RANBP3: variants seen among roughly 807,000 people sequenced by gnomAD.
RANBP3 encodes the protein RAN binding protein 3.
Under a neutral mutation model 77.3 loss-of-function variants are expected in RANBP3, and 14 were observed. That is an observed-to-expected ratio of 0.18 (90% CI 0.12 to 0.28). The LOEUF is 0.28. Ranked by LOEUF, RANBP3 falls within the 10% of genes least tolerant of loss-of-function variation. RANBP3 has a pLI of 1.00. For missense variants in RANBP3, 586 were observed against 752.3 expected (o/e 0.78, Z 2.59); for synonymous variants, 315 against 312.4 (o/e 1.01, Z -0.09).
intron 13 of RANBP3, among the ~76,000 whole-genome samples, chr19:5,922,234 A>G (rs1038030242): frequency 6.6e-6 from 1 of 152,252 alleles, no homozygotes; most frequent in African/African-American, 2.4e-5. Flanking sequence ...TCAATACAGC[A>G]GTTTTGTATA....
chr19:5,923,318 G>A lies in RANBP3; in HGVS notation c.1100-15C>T, dbSNP rs770207338. On this transcript the variant is annotated splice_polypyrimidine_tract_variant and intron_variant, in intron 12 of 16. Transcript: ENST00000340578. The stretch of plus-strand genomic sequence containing the variant: ...AGCCAGGGACTCTGAAAAGTTATTG[G>A]CCAAAAAGACTGACTGATTATTTGG... 1.2e-6 allele frequency: 2 copies of A among 1,609,884 alleles called. No homozygotes were observed. The highest frequency in any genetic ancestry group is 2.2e-5 in the South Asian group (2 of 90,998).
chr19:5,953,701 T>C (rs73920098), intron 2 of RANBP3, among the ~76,000 whole-genome samples: 1 of 152,178 alleles, frequency 6.6e-6, no homozygotes, highest in Non-Finnish European at 1.5e-5. Flanking sequence ...TCTATCTCCA[T>C]CCAAGGCAGT....
At chr19:5,942,124 C>T (rs2058145733) in intron 3 of RANBP3, among the ~76,000 whole-genome samples, 1 of 152,204 alleles carries the variant, frequency 6.6e-6, no homozygotes, top group Non-Finnish European at 1.5e-5. Context: ...AACTGGCCTG[C>T]CACCCCTAAA....
At chr19:5,941,122 G>C (rs377536887) in intron 5 of RANBP3, among the ~76,000 whole-genome samples, 7 of 152,186 alleles carry the variant, frequency 4.6e-5, no homozygotes, top group Admixed American at 1.3e-4. Context: ...CATCACACAC[G>C]GGCCTCTGCT....
chr19:5,924,698 CACTT>C lies in RANBP3; in HGVS notation c.996+125_996+128del. On this transcript the variant is annotated intron_variant, in intron 11 of 16. Coordinates refer to ENST00000340578, the MANE Select transcript of RANBP3 (RefSeq NM_007322.3). This position sits in a 1 kb window ranked among gnomAD's most constrained non-coding sequence, Gnocchi z 4.7. The stretch of plus-strand genomic sequence containing the variant: ...AGTCTGAGCAGGGTCTTCCCTCTCT[CACTT>C]GCTACTGAAGGCATCCCCATCTCAC... 3.2e-6 allele frequency: 3 copies of C among 931,760 alleles called. No individual in the cohort carries two copies. Among genetic ancestry groups the C allele is most frequent in the Non-Finnish European group, 5.2e-6 (3 of 578,282 alleles). The allele number at this position is 931,760 out of a possible 1,614,324, so 57.7% of individuals were successfully genotyped here.
Position 5,924,716 on chromosome 19 carries a change from T to A in RANBP3, c.996+111A>T. The A allele has an allele frequency of 2.7e-6, 3 of 1,097,162 alleles. No homozygotes were observed. The highest frequency in any genetic ancestry group is 4.2e-6 in the Non-Finnish European group (3 of 719,050). The allele number at this position is 1,097,162 out of a possible 1,614,324, so 68.0% of individuals were successfully genotyped here. On this transcript the variant is annotated intron_variant, in intron 11 of 16. Coordinates refer to ENST00000340578, the MANE Select transcript of RANBP3 (RefSeq NM_007322.3). This position sits in a 1 kb window ranked among gnomAD's most constrained non-coding sequence, Gnocchi z 4.7. ...CCTCTCTCACTTGCTACTGAAGGCA[T>A]CCCCATCTCACATAGGACGACACAG...
Position 5,917,977 on chromosome 19 carries a change from T to C in RANBP3, c.1477A>G (p.Ser493Gly). The change falls in exon 16 of 17, where the codon AGC (serine) becomes GGC (glycine). Residue 493 changes from serine (S) to glycine (G), a missense_variant. Physicochemically the swap from Ser to Gly is moderately conservative, Grantham distance 56 (BLOSUM62 0). Coordinates refer to ENST00000340578, the MANE Select transcript of RANBP3 (RefSeq NM_007322.3). Reference sequence around the variant, plus strand: ...TACAACTGACCTGTGTCCTTGGAGCTGGCCTGGGAAGGGAGGAGGGTATGA... The same window carrying C: ...TACAACTGACCTGTGTCCTTGGAGCCGGCCTGGGAAGGGAGGAGGGTATGA... Reference protein sequence around the residue: ...QGVKVFLISASSKDTGQLYAA... With the variant: ...QGVKVFLISAGSKDTGQLYAA... The C allele has an allele frequency of 6.3e-7, 1 of 1,588,122 alleles. No homozygotes were observed. The highest frequency in any genetic ancestry group is 8.6e-7 in the Non-Finnish European group (1 of 1,163,268).
chr19:5,932,660 G>A (rs2058009478), intron 6 of RANBP3, 116 bp from the exon 7 acceptor site: 4 of 736,428 alleles, frequency 5.4e-6, no homozygotes, highest in Non-Finnish European at 9.0e-6. Flanking sequence ...ACTTTGCAGG[G>A]AAGCACTTTT....
At chr19:5,926,947 G>T (rs578235769) in intron 9 of RANBP3, among the ~76,000 whole-genome samples, 6 of 152,152 alleles carry the variant, frequency 3.9e-5, no homozygotes, top group African/African-American at 1.4e-4. Flanking sequence ...GGCCCTCCCC[G>T]TCGACACTAC....
chr19:5,932,822 C>G, intron 6 of RANBP3: 1 of 467,878 alleles, frequency 2.1e-6, no homozygotes, highest in Non-Finnish European at 3.8e-6. Context: ...ACTCAACAGT[C>G]AAGTGGAGAC....
At position 5,958,269 on chromosome 19, in the gene RANBP3, G is replaced by A. The variant is rs1014569026; in HGVS notation, c.23-296C>T. ...GTGTAAATGGGAGTGGGAGAGCAGCGGAGAGTGTGGCAGCGCTATTTGGCG... is the reference window on the plus strand; with the variant it reads ...GTGTAAATGGGAGTGGGAGAGCAGCAGAGAGTGTGGCAGCGCTATTTGGCG... On this transcript the variant is annotated intron_variant, in intron 1 of 16. Transcript: ENST00000340578. This position sits in a 1 kb window ranked among gnomAD's most constrained non-coding sequence, Gnocchi z 4.4. Among the ~76,000 whole-genome samples the A allele has an allele frequency of 1.3e-5, 2 of 152,154 alleles. No individual in the cohort carries two copies. The highest frequency in any genetic ancestry group is 4.8e-5 in the African/African-American group (2 of 41,442).
chr19:5,921,106 G>T lies in RANBP3; in HGVS notation c.1330+95C>A. 1 of 1,452,436 alleles carries T rather than the reference G, an allele frequency of 6.9e-7. No individual in the cohort carries two copies. The highest frequency in any genetic ancestry group is 1.3e-5 in the South Asian group (1 of 76,916). The allele number at this position is 1,452,436 out of a possible 1,614,324, so 90.0% of individuals were successfully genotyped here. A position where few individuals can be genotyped will look rare whatever the true frequency, so the allele number is the denominator to read the frequency against. On this transcript the variant is annotated intron_variant, in intron 14 of 16. Coordinates refer to ENST00000340578, the MANE Select transcript of RANBP3 (RefSeq NM_007322.3). The surrounding 1 kb of genome is among the most constrained non-coding windows in gnomAD (Gnocchi z 5.3). ...GTGCCTTGACTCTCACAAGGGTAGG[G>T]TCAGGATCTCCCCCGCTTCATTCCC...
chr19:5,921,258 GC>G lies in RANBP3; in HGVS notation c.1272del (p.Leu425CysfsTer19). ...TSQSWVERGR[G>X]LLRLNDMAST... ...GACGCCATGTCATTGAGTCTGAGCA[GC>G]CCCCGGCCTCTCTCCACCCAGGACT... On this transcript the variant is annotated frameshift_variant, in exon 14 of 17. Transcript: ENST00000340578. LOFTEE classifies it high-confidence loss of function. This position sits in a 1 kb window ranked among gnomAD's most constrained non-coding sequence, Gnocchi z 5.3. The G allele has an allele frequency of 6.2e-7, 1 of 1,613,732 alleles. No individual in the cohort carries two copies.
At chr19:5,917,749 G>A (rs1420322420) in intron 16 of RANBP3, 45 bp downstream of exon 16, 1 of 1,586,180 alleles carries the variant, frequency 6.3e-7, no homozygotes, top group Admixed American at 1.7e-5. Context: ...AAGGATGGCG[G>A]GCAGCTCTTT....
Position 5,958,530 on chromosome 19 carries a change from C to T in RANBP3, c.23-557G>A, listed in dbSNP as rs1400925252. ...AGGCCTGAGAGTCCATCTTGCACAG[C>T]GGCTGAAGGAAGAAACACTCTGGGG... is the stretch of plus-strand genomic sequence containing the variant. On this transcript the variant is annotated intron_variant, in intron 1 of 16. Transcript: ENST00000340578. This position sits in a 1 kb window ranked among gnomAD's most constrained non-coding sequence, Gnocchi z 4.4. Among the ~76,000 whole-genome samples, 4 of 152,330 alleles carry T rather than the reference C, an allele frequency of 2.6e-5. No homozygotes were observed. The highest frequency in any genetic ancestry group is 1.9e-4 in the East Asian group (1 of 5,176).
At chr19:5,937,056 C>CAAAAA (rs71172783) in intron 5 of RANBP3, among the ~76,000 whole-genome samples, 860 of 37,118 alleles carry the variant, frequency 0.023, 103 homozygotes, top group South Asian at 0.031. Context: ...ACTCTGTCTC[C>CAAAAA]AAAAAAAAAA....
intron 5 of RANBP3, among the ~76,000 whole-genome samples, chr19:5,939,033 A>C (rs2058100650): frequency 6.6e-6 from 1 of 152,022 alleles, no homozygotes; most frequent in African/African-American, 2.4e-5. Flanking sequence ...AAAAAATACA[A>C]AATTACCCCG....
rs778847987 is a variant in RANBP3, at chr19:5,925,583, C to T, written c.917+51G>A. The T allele has an allele frequency of 4.4e-5, 67 of 1,532,544 alleles. No individual in the cohort carries two copies. The East Asian group carries it at 4.5e-4, about 10-fold the overall frequency. The allele number at this position is 1,532,544 out of a possible 1,614,324, so 94.9% of individuals were successfully genotyped here. A position where few individuals can be genotyped will look rare whatever the true frequency, so the allele number is the denominator to read the frequency against. ...GACCCCTCTCTGGCAGAAGCCCTCG[C>T]GGCCACCTGCATCGCCATGCCAGGC... On this transcript the variant is annotated intron_variant, in intron 10 of 16. Transcript: ENST00000340578.
At chr19:5,918,788 C>G (rs2145005088) in intron 14 of RANBP3, 150 bp from the exon 15 acceptor site, 1 of 993,062 alleles carries the variant, frequency 1.0e-6, no homozygotes, top group Admixed American at 2.7e-5. Context: ...AGCAAGACTT[C>G]TCCCTGAGGC....
Sources: gnomAD v4.1 joint callset for allele counts (sites outside exome capture counted in the v4.1 genomes callset) on GRCh38, gnomAD v4.1.1 for gene constraint, Gnocchi (gnomAD v3.1) non-coding constraint, MANE v1.5 for transcripts, NCBI Gene and HGNC (gene_info 2026-07-23, HGNC 2026-07-21) for gene names.